Variants in STK40 observed in about 807,000 individuals in gnomAD.
STK40 encodes serine/threonine kinase 40.
In STK40, 13 loss-of-function variants were observed where a neutral mutation model predicts 47.9. The observed-to-expected ratio is 0.27, with a 90% confidence interval of 0.18 to 0.43. The LOEUF (loss-of-function observed/expected upper bound fraction) is 0.43. Ranked by LOEUF, STK40 falls within the 20% of genes least tolerant of loss-of-function variation. STK40 has a pLI of 1.00. For missense variants in STK40, 460 were observed against 595.1 expected, an observed-to-expected ratio of 0.77 and a Z score of 2.36; for synonymous variants, 225 against 243.2, an observed-to-expected ratio of 0.93 and a Z score of 0.69.
At position 36,348,566 on chromosome 1, in the gene STK40, G is replaced by A. The variant is rs1019506419; in HGVS notation, c.739+134C>T. 7.0e-6 allele frequency: 5 copies of A among 709,378 alleles called. No individual in the cohort carries two copies. The African/African-American group carries it at 8.8e-5, about 12-fold the overall frequency. The allele number at this position is 709,378 out of a possible 1,614,324, so 43.9% of individuals were successfully genotyped here. A position where few individuals can be genotyped will look rare whatever the true frequency, so the allele number is the denominator to read the frequency against. ...CAGACCAAACATTTTGTATGGGGAG[G>A]GACAGTACTGGTCTGGGCCCCCAGT... is the stretch of plus-strand genomic sequence containing the variant. On this transcript the variant is annotated intron_variant, in intron 7 of 10. Coordinates refer to ENST00000373132, the MANE Select transcript of STK40 (RefSeq NM_001282547.2).
chr1:36,344,355 A>C, intron 7 of STK40, 91 bp from the exon 8 acceptor site: 1 of 1,467,672 alleles, frequency 6.8e-7, no homozygotes, highest in Non-Finnish European at 9.0e-7. Flanking sequence ...TCCACCTGCC[A>C]CCCTCACTTC....
intron 1 of STK40, among the ~76,000 whole-genome samples, chr1:36,370,294 A>G (rs1186052436): frequency 1.3e-5 from 2 of 152,230 alleles, no homozygotes; most frequent in Non-Finnish European, 2.9e-5. Context: ...AAATCCAGCC[A>G]AACGATCTGC....
rs368243693 is a variant in STK40 at position 36,341,722 on chromosome 1, T to C, written c.*33A>G. The C allele has an allele frequency of 2.3e-4, 369 of 1,603,804 alleles. No individual in the cohort carries two copies. Among genetic ancestry groups the C allele is most frequent in the African/African-American group, 1.5e-3 (112 of 74,872 alleles). On this transcript the variant is annotated 3_prime_UTR_variant, in exon 11 of 11. Transcript: ENST00000373132. ...CGCCTTTGGCTGGGGCTGGAAGAAG[T>C]GGCAGCAGTGCTGGTGGCCCCGGCT...
rs1646627367 is a variant in STK40, at chr1:36,339,683, A to AAAAT, written c.*2068_*2071dup. ...GCAGGAAGAGTCCCCATGTAGTACAAAAATATGTCTTTATACAAACTTTTT... is the reference window on the plus strand; with the variant it reads ...GCAGGAAGAGTCCCCATGTAGTACAAAAATAAATATGTCTTTATACAAACTTTTT... On this transcript the variant is annotated 3_prime_UTR_variant, in exon 11 of 11. Transcript: ENST00000373132. The AAAAT allele has an allele frequency of 6.5e-6, 1 of 152,722 alleles. No homozygotes were observed. The allele number at this position is 152,722 out of a possible 1,614,324, so 9.5% of individuals were successfully genotyped here.
chr1:36,355,510 G>A (rs1646795892), intron 4 of STK40, 77 bp from the exon 5 acceptor site: 1 of 1,454,368 alleles, frequency 6.9e-7, no homozygotes. Flanking sequence ...ACTCTCCTCT[G>A]GAGTGGGACA....
At chr1:36,343,839 G>C in intron 9 of STK40, 21 bp downstream of exon 9, 1 of 1,563,460 alleles carries the variant, frequency 6.4e-7, no homozygotes, top group South Asian at 1.2e-5. Context: ...CTTGTGCCCG[G>C]TCAAGTGCCT....
intron 1 of STK40, among the ~76,000 whole-genome samples, chr1:36,372,982 G>A (rs927789643): frequency 6.6e-6 from 1 of 152,154 alleles, no homozygotes; most frequent in Non-Finnish European, 1.5e-5. Context: ...GGAATTCACA[G>A]CTCAGAGAAC....
rs1570445075 is a variant in STK40 at position 36,355,527 on chromosome 1, C to T, written c.343-94G>A. Reference sequence around the variant, plus strand: ...TCTCCTCTGGAGTGGGACACTCAAACCAGTGAGGGAGCCTGGAATTAGCCT... The same window carrying T: ...TCTCCTCTGGAGTGGGACACTCAAATCAGTGAGGGAGCCTGGAATTAGCCT... On this transcript the variant is annotated intron_variant, in intron 4 of 10. Coordinates refer to ENST00000373132, the MANE Select transcript of STK40 (RefSeq NM_001282547.2). The T allele has an allele frequency of 7.6e-6, 10 of 1,322,052 alleles. No individual in the cohort carries two copies. In the East Asian group the frequency reaches 9.2e-5, roughly 12 times the overall value. 81.9% of individuals were successfully genotyped at this position (1,322,052 alleles called of 1,614,324 possible).
chr1:36,385,880 C>T lies in STK40; in HGVS notation c.-166G>A, dbSNP rs568514452. The T allele has an allele frequency of 1.4e-3, 246 of 178,606 alleles. 1 individual carries two copies. Among genetic ancestry groups the T allele is most frequent in the Non-Finnish European group, 2.1e-3 (187 of 88,430 alleles). The allele number at this position is 178,606 out of a possible 1,614,324, so 11.1% of individuals were successfully genotyped here. On this transcript the variant is annotated 5_prime_UTR_variant, in exon 1 of 11. Coordinates refer to ENST00000373132, the MANE Select transcript of STK40 (RefSeq NM_001282547.2). Reference sequence around the variant, plus strand: ...ACCCGAGCCGCCGCCGCCGCCGCCGCCGCCTCCCTCCATGGCTGCGGCGCC... The same window carrying T: ...ACCCGAGCCGCCGCCGCCGCCGCCGTCGCCTCCCTCCATGGCTGCGGCGCC...
chr1:36,385,142 C>G lies in STK40; in HGVS notation c.-9+581G>C, dbSNP rs76589416. On this transcript the variant is annotated intron_variant, in intron 1 of 10. Coordinates refer to ENST00000373132, the MANE Select transcript of STK40 (RefSeq NM_001282547.2). ...CGTGGGAATGGGCGGGCCTGACCGG[C>G]TCGGCAGGTGAAACACTGACCACAG... 5.5e-3 allele frequency among the ~76,000 whole-genome samples: 834 copies of G among 152,326 alleles called. 11 individuals are homozygous for G. Among genetic ancestry groups the G allele is most frequent in the African/African-American group, 0.019 (805 of 41,566 alleles).
intron 6 of STK40, among the ~76,000 whole-genome samples, chr1:36,349,119 T>C (rs1395586187): frequency 6.6e-6 from 1 of 152,172 alleles, no homozygotes; most frequent in Admixed American, 6.5e-5. Flanking sequence ...GGGGTACAGC[T>C]TAGGGCTTAG....
At chr1:36,380,883 G>A (rs767780822) in intron 1 of STK40, among the ~76,000 whole-genome samples, 14 of 152,146 alleles carry the variant, frequency 9.2e-5, no homozygotes, top group African/African-American at 3.1e-4. Context: ...ATCCTCTCCC[G>A]AGAGGGTGTG....
At chr1:36,360,677 A>G (rs1646844162) in intron 2 of STK40, among the ~76,000 whole-genome samples, 1 of 152,164 alleles carries the variant, frequency 6.6e-6, no homozygotes. Context: ...CTAGGACTAC[A>G]GGCATGTGAC....
chr1:36,382,780 T>C (rs1470381523), intron 1 of STK40, among the ~76,000 whole-genome samples: 3 of 152,212 alleles, frequency 2.0e-5, no homozygotes, highest in Non-Finnish European at 4.4e-5. Flanking sequence ...TCAGTGTCTG[T>C]TAAGTACTCA....
At chr1:36,365,414 C>T (rs1188347363) in intron 1 of STK40, among the ~76,000 whole-genome samples, 2 of 152,172 alleles carry the variant, frequency 1.3e-5, no homozygotes, top group East Asian at 3.9e-4. Context: ...AGAGCTGTGC[C>T]ACTGGGGAGC....
intron 1 of STK40, among the ~76,000 whole-genome samples, chr1:36,379,003 C>T (rs1287247806): frequency 5.3e-5 from 8 of 152,204 alleles, no homozygotes; most frequent in African/African-American, 1.9e-4. Flanking sequence ...CCGAGCTTCT[C>T]CCTAGAAGCA....
In STK40 at chr1:36,385,879, GCCGCCT is replaced by G; in HGVS notation, c.-171_-166del. 1 of 178,214 alleles carries G rather than the reference GCCGCCT, an allele frequency of 5.6e-6. No individual in the cohort carries two copies. The highest frequency in any genetic ancestry group is 1.1e-5 in the Non-Finnish European group (1 of 88,244). The allele number at this position is 178,214 out of a possible 1,614,324, so 11.0% of individuals were successfully genotyped here. ...CACCCGAGCCGCCGCCGCCGCCGCC[GCCGCCT>G]CCCTCCATGGCTGCGGCGCCGCCAC... On this transcript the variant is annotated 5_prime_UTR_variant, in exon 1 of 11. Transcript: ENST00000373132.
At chr1:36,360,188 C>T (rs1195366813) in intron 2 of STK40, among the ~76,000 whole-genome samples, 2 of 152,230 alleles carry the variant, frequency 1.3e-5, no homozygotes, top group East Asian at 1.9e-4. Context: ...ACAGGCCTGG[C>T]ACGTAGTAGG....
At chr1:36,363,406 A>C (rs1646870506) in intron 1 of STK40, among the ~76,000 whole-genome samples, 1 of 152,142 alleles carries the variant, frequency 6.6e-6, no homozygotes, top group Non-Finnish European at 1.5e-5. Flanking sequence ...CTGCATCACA[A>C]TATTCTTTTG....
Sources: allele counts gnomAD v4.1 joint callset (sites outside exome capture counted in the v4.1 genomes callset), GRCh38; gene constraint gnomAD v4.1.1; transcripts MANE v1.5; gene names NCBI Gene and HGNC (gene_info 2026-07-23, HGNC 2026-07-21).